The following UBR1 variants were observed in gnomAD, a reference collection of about 807,000 sequenced individuals.
UBR1 encodes the protein ubiquitin protein ligase E3 component n-recognin 1.
A neutral mutation model predicts 242.1 loss-of-function variants in UBR1; 102 were observed. That is an observed-to-expected ratio of 0.42 (90% confidence interval 0.36 to 0.50). The LOEUF is 0.50. Ranked by LOEUF, UBR1 falls within the 20% of genes least tolerant of loss-of-function variation. The pLI is 0.01. For missense variants in UBR1, 1,772 were observed against 2,101.8 expected (o/e 0.84, Z 3.07); for synonymous variants, 675 against 684.8 (o/e 0.99, Z 0.22).
chr15:43,047,946 C>A (rs1448583513), intron 13 of UBR1, among the ~76,000 whole-genome samples: 3 of 152,160 alleles, frequency 2.0e-5, no homozygotes, highest in Non-Finnish European at 4.4e-5. Context: ...CATGGCAGCT[C>A]ACACCTGTAA....
chr15:42,988,455 T>C (rs890471434), intron 35 of UBR1: 4 of 274,094 alleles, frequency 1.5e-5, no homozygotes, highest in Non-Finnish European at 2.1e-5. Flanking sequence ...CCACCACGCC[T>C]GGCTAATTTT....
At chr15:43,001,401 C>T (rs769958645) in intron 32 of UBR1, among the ~76,000 whole-genome samples, 8 of 152,266 alleles carry the variant, frequency 5.3e-5, no homozygotes, top group Non-Finnish European at 1.0e-4. Flanking sequence ...CCCACCTCGG[C>T]TTCCCAAAGT....
At position 42,947,407 on chromosome 15, in the gene UBR1, C is replaced by G. The variant is rs142024911; in HGVS notation, c.5109-1937G>C. ...GATGCCCTCTCTCACCACTCCTATT[C>G]AACATAGTGTTGGAAGTTCTGGCCA... On this transcript the variant is annotated intron_variant, in intron 46 of 46. Transcript: ENST00000290650. 3.5e-3 allele frequency among the ~76,000 whole-genome samples: 526 copies of G among 152,212 alleles called. 2 individuals are homozygous for G. The highest frequency in any genetic ancestry group is 0.012 in the African/African-American group (501 of 41,518).
intron 3 of UBR1, among the ~76,000 whole-genome samples, chr15:43,079,708 G>A (rs1287168888): frequency 2.0e-5 from 3 of 152,148 alleles, no homozygotes; most frequent in Non-Finnish European, 2.9e-5. Context: ...AGTGAACCCG[G>A]GAGACAGAGA....
At chr15:42,996,550 T>TC (rs2032642064) in intron 33 of UBR1, among the ~76,000 whole-genome samples, 2 of 152,096 alleles carry the variant, frequency 1.3e-5, no homozygotes, top group Admixed American at 1.3e-4. Context: ...TGAGCTGTAC[T>TC]CCAGCCTGGG....
intron 14 of UBR1, among the ~76,000 whole-genome samples, chr15:43,046,575 G>A (rs1028871199): frequency 6.6e-6 from 1 of 152,110 alleles, no homozygotes; most frequent in Admixed American, 6.6e-5. Flanking sequence ...TAGTGAAGAC[G>A]CAGAAAAACT....
intron 26 of UBR1, among the ~76,000 whole-genome samples, chr15:43,021,894 G>A (rs2033115063): frequency 6.6e-6 from 1 of 152,098 alleles, no homozygotes; most frequent in Admixed American, 6.5e-5. Context: ...ATGAAGTACT[G>A]GATTACAATG....
rs569951788 is a variant in UBR1, at chr15:43,081,290, G to A, written c.417+1348C>T. Among the ~76,000 whole-genome samples, 13 of 152,032 alleles carry A rather than the reference G, an allele frequency of 8.6e-5. No homozygotes were observed. In the South Asian group the frequency reaches 2.7e-3, roughly 32 times the overall value. On this transcript the variant is annotated intron_variant, in intron 3 of 46. Coordinates refer to ENST00000290650, the MANE Select transcript of UBR1 (RefSeq NM_174916.3). The stretch of plus-strand genomic sequence containing the variant: ...AAATTAGCCAGGTGTGGTGGCGCAC[G>A]CCTGTAATCCTAGCTACTCAGGAGG...
At chr15:43,046,804 A>C (rs1033329799) in intron 14 of UBR1, among the ~76,000 whole-genome samples, 8 of 152,184 alleles carry the variant, frequency 5.3e-5, no homozygotes, top group African/African-American at 1.9e-4. Flanking sequence ...ACATACAACA[A>C]AGCTCTTGAA....
chr15:43,012,804 T>C (rs2032942841), intron 29 of UBR1, among the ~76,000 whole-genome samples: 1 of 152,234 alleles, frequency 6.6e-6, no homozygotes, highest in African/African-American at 2.4e-5. Context: ...CATTATTCTT[T>C]ATGGTCCTTG....
At chr15:43,033,679 T>A (rs1038195527) in intron 19 of UBR1, among the ~76,000 whole-genome samples, 1 of 152,094 alleles carries the variant, frequency 6.6e-6, no homozygotes, top group Admixed American at 6.5e-5. Context: ...ATTTATATAT[T>A]TATTTATTAT....
intron 13 of UBR1, 112 bp from the exon 14 acceptor site, chr15:43,047,401 C>A: frequency 1.3e-6 from 2 of 1,521,814 alleles, no homozygotes; most frequent in Non-Finnish European, 9.0e-7. Context: ...GGTTGTTACA[C>A]TGGGTCAGAA....
intron 27 of UBR1, 67 bp from the exon 28 acceptor site, chr15:43,017,248 T>A: frequency 9.2e-7 from 1 of 1,082,794 alleles, no homozygotes; most frequent in South Asian, 1.3e-5. Context: ...AACAGAAACA[T>A]TCACTAATCT....
rs16957366 is a variant in UBR1, at chr15:43,056,644, T to C, written c.1183-202A>G. ...ACAACAAATCAAGTAAAAATTCACC[T>C]ACTCAATTTAGCAGAGATAGAAGTG... On this transcript the variant is annotated intron_variant, in intron 10 of 46. Transcript: ENST00000290650. Among the ~76,000 whole-genome samples, 1,375 of 152,308 alleles carry C rather than the reference T, an allele frequency of 9.0e-3. 17 individuals are homozygous for C. Among genetic ancestry groups the C allele is most frequent in the African/African-American group, 0.031 (1,308 of 41,566 alleles).
chr15:42,981,969 T>C (rs991791307), intron 37 of UBR1, among the ~76,000 whole-genome samples: 4 of 152,204 alleles, frequency 2.6e-5, no homozygotes, highest in Non-Finnish European at 5.9e-5. Context: ...CATAAATTCC[T>C]CCAGTATTGC....
At chr15:43,067,048 A>G (rs1332243026) in intron 6 of UBR1, among the ~76,000 whole-genome samples, 1 of 152,200 alleles carries the variant, frequency 6.6e-6, no homozygotes, top group African/African-American at 2.4e-5. Context: ...TGATCCTCTT[A>G]GTTTTCCAGG....
chr15:43,104,422 T>C (rs1162113304), intron 1 of UBR1, among the ~76,000 whole-genome samples: 1 of 152,222 alleles, frequency 6.6e-6, no homozygotes, highest in Non-Finnish European at 1.5e-5. Context: ...AATGTTTCAG[T>C]TGCTTTTAAA....
intron 33 of UBR1, among the ~76,000 whole-genome samples, chr15:42,996,279 C>T (rs903300635): frequency 1.3e-5 from 2 of 152,058 alleles, no homozygotes; most frequent in East Asian, 1.9e-4. Context: ...ATGAGGTCAA[C>T]GAGGCAGGGA....
intron 12 of UBR1, 134 bp from the exon 13 acceptor site, chr15:43,048,625 T>TC: frequency 2.8e-6 from 2 of 704,400 alleles, no homozygotes; most frequent in Non-Finnish European, 4.8e-6. Flanking sequence ...AAGCTCTGAG[T>TC]AGAGCTAGAA....
Sources: allele counts gnomAD v4.1 joint callset (sites outside exome capture counted in the v4.1 genomes callset), GRCh38; gene constraint gnomAD v4.1.1; transcripts MANE v1.5; gene names NCBI Gene and HGNC (gene_info 2026-07-23, HGNC 2026-07-21).